The following ANKFN1 variants were observed in gnomAD, a reference collection of about 807,000 sequenced individuals.
ANKFN1 encodes the protein ankyrin repeat and fibronectin type III domain containing 1.
ANKFN1 carries 74 observed loss-of-function variants against 108.7 expected under a neutral mutation model. The observed-to-expected ratio is 0.68, with a 90% CI of 0.56 to 0.83. ANKFN1 has a LOEUF of 0.83. Among genes scored for constraint, ANKFN1 ranks in the 40% least tolerant of loss-of-function variants. The pLI, the probability that ANKFN1 is intolerant of heterozygous loss-of-function variation, is 0.00. For missense variants in ANKFN1, 1,505 were observed against 1,382.3 expected (o/e 1.09, Z -1.41); for synonymous variants, 547 against 516.2 (o/e 1.06, Z -0.81).
chr17:56,227,816 CT>C (rs532959940), intron 2 of ANKFN1, 100 bp from the exon 3 acceptor site: 2,074 of 806,422 alleles, frequency 2.6e-3, no homozygotes, highest in East Asian at 2.9e-3. Context: ...GCTTCTCTCT[CT>C]TTTTTTTTTC....
intron 4 of ANKFN1, among the ~76,000 whole-genome samples, chr17:56,344,238 G>A (rs2046036751): frequency 6.6e-6 from 1 of 151,962 alleles, no homozygotes; most frequent in South Asian, 2.1e-4. Flanking sequence ...GTTGTTTAAT[G>A]AGTTTTCAGA....
chr17:56,399,622 C>A (rs954714292), intron 8 of ANKFN1, among the ~76,000 whole-genome samples: 1 of 151,740 alleles, frequency 6.6e-6, no homozygotes, highest in Non-Finnish European at 1.5e-5. Flanking sequence ...TCTTGTCCCT[C>A]GCCCCTCTCC....
intron 19 of ANKFN1, 133 bp from the exon 20 acceptor site, chr17:56,498,749 C>A: frequency 1.4e-6 from 1 of 718,726 alleles, no homozygotes; most frequent in Non-Finnish European, 2.2e-6. Context: ...CTTAACAAAT[C>A]TATGTTAAAA....
chr17:56,411,576 G>A (rs1272688457), intron 8 of ANKFN1, among the ~76,000 whole-genome samples: 1 of 152,180 alleles, frequency 6.6e-6, no homozygotes, highest in Non-Finnish European at 1.5e-5. Flanking sequence ...TGATCTTAGA[G>A]AAAAAGCTTT....
intron 6 of ANKFN1, among the ~76,000 whole-genome samples, chr17:56,355,036 G>A (rs2046338385): frequency 6.6e-6 from 1 of 152,120 alleles, no homozygotes; most frequent in Non-Finnish European, 1.5e-5. Flanking sequence ...CTGTACAGTA[G>A]GGTGATGTTG....
At chr17:56,163,176 T>C (rs539719267) in intron 1 of ANKFN1, among the ~76,000 whole-genome samples, 1 of 152,290 alleles carries the variant, frequency 6.6e-6, no homozygotes. Context: ...TTCTTTCTCT[T>C]TTAAACCCAT....
chr17:56,149,094 A>T (rs1908440118), upstream of ANKFN1, among the ~76,000 whole-genome samples: 2 of 152,150 alleles, frequency 1.3e-5, no homozygotes, highest in Admixed American at 1.3e-4. Flanking sequence ...TGTTGCCTGA[A>T]GGTAACTGGA....
intron 4 of ANKFN1, among the ~76,000 whole-genome samples, chr17:56,119,756 A>G (rs1245460268): frequency 1.3e-5 from 2 of 152,192 alleles, no homozygotes; most frequent in Non-Finnish European, 2.9e-5. Flanking sequence ...AGCACAGGGT[A>G]GCAGAAGAAC....
At chr17:56,127,610 G>A (rs1015543599) in intron 4 of ANKFN1, among the ~76,000 whole-genome samples, 2 of 152,036 alleles carry the variant, frequency 1.3e-5, no homozygotes, top group Admixed American at 6.5e-5. Context: ...CACCGCACCC[G>A]GCCAGCCTGA....
rs1451286571 is a variant in ANKFN1, at chr17:56,060,408, TG to T, written c.288+14084del. On this transcript the variant is annotated intron_variant, in intron 4 of 12. Transcript: ENST00000635860. The stretch of plus-strand genomic sequence containing the variant: ...CAACTTGACTTCCTCTCTTCCTGTT[TG>T]AATGCCCTTTATGTATTTCTTTTGC... Among the ~76,000 whole-genome samples, 3 of 152,188 alleles carry T rather than the reference TG, an allele frequency of 2.0e-5. No homozygotes were observed. In the East Asian group the frequency reaches 5.8e-4, roughly 29 times the overall value.
intron 4 of ANKFN1, among the ~76,000 whole-genome samples, chr17:56,082,152 C>T (rs976220238): frequency 3.3e-5 from 5 of 152,192 alleles, no homozygotes; most frequent in African/African-American, 4.8e-5. Context: ...GTTAGTAACA[C>T]ATCCCAGTTT....
intron 4 of ANKFN1, among the ~76,000 whole-genome samples, chr17:56,135,554 A>G (rs1308607293): frequency 6.6e-6 from 1 of 152,204 alleles, no homozygotes; most frequent in Non-Finnish European, 1.5e-5. Context: ...TATACAGAGC[A>G]CTTTTAAGAG....
Position 56,440,375 on chromosome 17 carries a change from T to C in ANKFN1, c.959T>C (p.Ile320Thr). The C allele has an allele frequency of 1.2e-6, 2 of 1,612,886 alleles. No homozygotes were observed. The highest frequency in any genetic ancestry group is 1.7e-6 in the Non-Finnish European group (2 of 1,179,198). The change falls in exon 9 of 21, where the codon ATC becomes ACC. Residue 320 changes from isoleucine to threonine, a missense_variant. Physicochemically the swap from Ile to Thr is moderately conservative, Grantham distance 89. Transcript: ENST00000682825. ...TTTTCTCCTTTGGCTGGAGAAATCA[T>C]CATGGATAATCTGCAGACTCTGAGA... is the stretch of plus-strand genomic sequence containing the variant. Reference protein sequence around the residue: ...EDFSPLAGEIIMDNLQTLRCT... With the variant: ...EDFSPLAGEITMDNLQTLRCT...
At chr17:56,333,172 C>G (rs1255749947) in intron 4 of ANKFN1, among the ~76,000 whole-genome samples, 1 of 151,906 alleles carries the variant, frequency 6.6e-6, no homozygotes, top group African/African-American at 2.4e-5. Context: ...ATTTTTCTTG[C>G]CCTACTTCAC....
intron 4 of ANKFN1, among the ~76,000 whole-genome samples, chr17:56,068,220 T>C (rs1905083105): frequency 1.3e-5 from 2 of 152,070 alleles, no homozygotes; most frequent in African/African-American, 4.8e-5. Context: ...GACCCCAGTA[T>C]CCATCAGGGT....
intron 4 of ANKFN1, among the ~76,000 whole-genome samples, chr17:56,048,115 C>G (rs1904711481): frequency 1.3e-5 from 2 of 152,024 alleles, no homozygotes; most frequent in Admixed American, 1.3e-4. Context: ...AGTATTATTC[C>G]AAAATACTTT....
intron 8 of ANKFN1, among the ~76,000 whole-genome samples, chr17:56,395,803 C>A (rs150418001): frequency 6.6e-6 from 1 of 151,910 alleles, no homozygotes; most frequent in Non-Finnish European, 1.5e-5. Context: ...GAGCTAAGAT[C>A]GCTCCACTGC....
chr17:56,372,667 C>G lies in ANKFN1; in HGVS notation c.623C>G (p.Ala208Gly), dbSNP rs776675344. 2.5e-6 allele frequency: 4 copies of G among 1,612,532 alleles called. No individual in the cohort carries two copies. The highest frequency in any genetic ancestry group is 3.4e-6 in the Non-Finnish European group (4 of 1,179,688). Residue 208 changes from alanine (A) to glycine (G), a missense_variant, in exon 7 of 21, where the codon GCA becomes GGA. Ala to Gly is a moderately conservative substitution (Grantham distance 60). Coordinates refer to ENST00000682825, the MANE Select transcript of ANKFN1 (RefSeq NM_001370326.1). ...SPHFVSLESR[A>G]MHLNTLVQEA... ...TTAGTTGTCAGCCTGGAAAGCCGAG[C>G]AATGCACCTCAACACACTGGTCCAG...
chr17:56,411,391 G>A (rs145909038), intron 8 of ANKFN1, among the ~76,000 whole-genome samples: 1 of 152,190 alleles, frequency 6.6e-6, no homozygotes, highest in Admixed American at 6.5e-5. Context: ...GGTTCTTCTG[G>A]TGGACTATTT....
Sources: allele counts gnomAD v4.1 joint callset (sites outside exome capture counted in the v4.1 genomes callset), GRCh38; gene constraint gnomAD v4.1.1; transcripts MANE v1.5; gene names NCBI Gene and HGNC (gene_info 2026-07-23, HGNC 2026-07-21).